MEF2A: variants seen among roughly 807,000 people sequenced by gnomAD.
MEF2A encodes the protein myocyte enhancer factor 2A, also known as myocyte-specific enhancer factor 2A.
Under a neutral mutation model 55.8 loss-of-function variants are expected in MEF2A, and 28 were observed. The ratio of observed to expected loss-of-function variants is 0.50; its 90% confidence interval spans 0.37 to 0.69. MEF2A has a LOEUF of 0.69. Ranked by LOEUF, MEF2A falls within the 30% of genes least tolerant of loss-of-function variation. MEF2A has a pLI of 0.00. For synonymous variants in MEF2A, 239 were observed against 227.1 expected, an observed-to-expected ratio of 1.05 and a Z score of -0.47; for missense variants, 528 against 626.2, an observed-to-expected ratio of 0.84 and a Z score of 1.67.
At chr15:99,616,080 A>T (rs1421347399) in intron 2 of MEF2A, among the ~76,000 whole-genome samples, 2 of 152,208 alleles carry the variant, frequency 1.3e-5, no homozygotes, top group Non-Finnish European at 2.9e-5. Flanking sequence ...ATCAAGCCAC[A>T]GTCAGACTAG....
At chr15:99,698,092 T>C (rs1302010916) in intron 8 of MEF2A, among the ~76,000 whole-genome samples, 1 of 152,030 alleles carries the variant, frequency 6.6e-6, no homozygotes, top group Non-Finnish European at 1.5e-5. Flanking sequence ...TAAAATTGGA[T>C]TATAGACCCA....
At chr15:99,675,828 A>G (rs996186373) in intron 7 of MEF2A, among the ~76,000 whole-genome samples, 2 of 152,148 alleles carry the variant, frequency 1.3e-5, no homozygotes, top group Admixed American at 6.5e-5. Flanking sequence ...GCCTGAGCTG[A>G]AGAGTTTGTG....
intron 7 of MEF2A, among the ~76,000 whole-genome samples, chr15:99,683,475 C>T (rs1036421450): frequency 1.3e-5 from 2 of 152,122 alleles, no homozygotes; most frequent in Non-Finnish European, 2.9e-5. Flanking sequence ...GGCACGATCT[C>T]GGCTCACTGC....
rs376779827 is a variant in MEF2A at position 99,675,427 on chromosome 15, A to G, written c.639A>G (p.Thr213=). 2 of 1,613,890 alleles carry G rather than the reference A, an allele frequency of 1.2e-6. No individual in the cohort carries two copies. The highest frequency in any genetic ancestry group is 1.7e-5 in the Admixed American group (1 of 60,004). Residue 213 remains threonine (T), a synonymous_variant, in exon 7 of 12, where the codon ACA becomes ACG. Transcript: ENST00000557942. The part of the protein sequence containing the change: ...AGGMLSTTDL[T]VPNGAGSSPV... Reference sequence around the variant, plus strand: ...GGATGTTGAGCACTACAGACCTCACAGTGCCAAATGGAGCTGGAAGCAGTC... The same window carrying G: ...GGATGTTGAGCACTACAGACCTCACGGTGCCAAATGGAGCTGGAAGCAGTC...
At chr15:99,663,681 A>G (rs1186872286) in intron 4 of MEF2A, among the ~76,000 whole-genome samples, 2 of 152,164 alleles carry the variant, frequency 1.3e-5, no homozygotes, top group African/African-American at 2.4e-5. Context: ...AAAGAAACGC[A>G]TTTTAAATGA....
intron 8 of MEF2A, among the ~76,000 whole-genome samples, chr15:99,690,837 G>C (rs72760551): frequency 6.6e-6 from 1 of 152,114 alleles, no homozygotes; most frequent in Non-Finnish European, 1.5e-5. Context: ...CGGTTGATTC[G>C]TGGGTAAAAA....
At chr15:99,662,738 A>G (rs1406622065) in intron 4 of MEF2A, among the ~76,000 whole-genome samples, 3 of 152,220 alleles carry the variant, frequency 2.0e-5, no homozygotes, top group Non-Finnish European at 4.4e-5. Flanking sequence ...TCTGCCTCCC[A>G]AAGTGCTAGG....
chr15:99,629,698 T>C (rs1264792961), intron 2 of MEF2A, among the ~76,000 whole-genome samples: 2 of 152,198 alleles, frequency 1.3e-5, no homozygotes, highest in South Asian at 4.2e-4. Context: ...AGTTAAAGAA[T>C]AAAAGATTGA....
intron 1 of MEF2A, among the ~76,000 whole-genome samples, chr15:99,594,459 CTTTTTTTTTT>C (rs67846200): frequency 4.2e-4 from 52 of 124,266 alleles, no homozygotes; most frequent in Non-Finnish European, 4.3e-4. Flanking sequence ...TCCTTTCTTT[CTTTTTTTTTT>C]TTTTTTTTTT....
chr15:99,630,853 G>T (rs1028577694), intron 2 of MEF2A, among the ~76,000 whole-genome samples: 1 of 152,098 alleles, frequency 6.6e-6, no homozygotes, highest in East Asian at 1.9e-4. Context: ...GTTTGCCAGG[G>T]CTGCTCCTCC....
intron 1 of MEF2A, among the ~76,000 whole-genome samples, chr15:99,588,424 C>T (rs779710565): frequency 5.9e-5 from 9 of 152,044 alleles, no homozygotes; most frequent in Non-Finnish European, 1.2e-4. Context: ...TCCTCAGCCT[C>T]CCGAGTAGCT....
intron 4 of MEF2A, among the ~76,000 whole-genome samples, chr15:99,656,094 A>G (rs976780964): frequency 1.3e-5 from 2 of 152,172 alleles, no homozygotes; most frequent in African/African-American, 4.8e-5. Flanking sequence ...TCATAAATTA[A>G]GAGTATTTAT....
rs148436651 is a variant in MEF2A, at chr15:99,664,181, C to G, written c.259-7142C>G. 1.3e-4 allele frequency among the ~76,000 whole-genome samples: 20 copies of G among 152,258 alleles called. 1 individual carries two copies. The East Asian group carries it at 3.9e-3, about 29-fold the overall frequency. On this transcript the variant is annotated intron_variant, in intron 4 of 11. Transcript: ENST00000557942. ...GAAATATGTGACTTGGGTAAAGAGACTAATAATGTGTTACCTAAAGGATCA... is the reference window on the plus strand; with the variant it reads ...GAAATATGTGACTTGGGTAAAGAGAGTAATAATGTGTTACCTAAAGGATCA...
chr15:99,646,640 ATGGAGT>A, intron 4 of MEF2A, among the ~76,000 whole-genome samples: 1 of 152,108 alleles, frequency 6.6e-6, no homozygotes, highest in South Asian at 2.1e-4. Flanking sequence ...AAAAGAACAA[ATGGAGT>A]CCTAATCTAG....
chr15:99,698,996 T>C (rs2056944658), intron 8 of MEF2A, among the ~76,000 whole-genome samples: 1 of 150,572 alleles, frequency 6.6e-6, no homozygotes, highest in Non-Finnish European at 1.5e-5. Flanking sequence ...GCAGGAAGAC[T>C]GCTTGAGCCC....
rs764803587 is a variant in MEF2A, at chr15:99,706,957, A to G, written c.1009+102A>G. ...TTAAGTATATTTATTGAAATAAACTATTTCCAGTTTTTTAGATTTAAATTA... is the reference window on the plus strand; with the variant it reads ...TTAAGTATATTTATTGAAATAAACTGTTTCCAGTTTTTTAGATTTAAATTA... On this transcript the variant is annotated intron_variant, in intron 10 of 11. Coordinates refer to ENST00000557942, the MANE Select transcript of MEF2A (RefSeq NM_001319206.4). 3.1e-5 allele frequency: 42 copies of G among 1,338,490 alleles called. No homozygotes were observed. The Middle Eastern group carries it at 9.4e-4, about 30-fold the overall frequency. The allele number at this position is 1,338,490 out of a possible 1,614,324, so 82.9% of individuals were successfully genotyped here. A position where few individuals can be genotyped will look rare whatever the true frequency, so the allele number is the denominator to read the frequency against.
intron 2 of MEF2A, among the ~76,000 whole-genome samples, chr15:99,601,337 C>G (rs1972877361): frequency 7.2e-6 from 1 of 138,826 alleles, no homozygotes; most frequent in Non-Finnish European, 1.6e-5. Flanking sequence ...TGAATAAAGA[C>G]TATCTTATTT....
intron 1 of MEF2A, among the ~76,000 whole-genome samples, chr15:99,595,801 A>G (rs532726840): frequency 4.9e-4 from 74 of 152,296 alleles, no homozygotes; most frequent in Middle Eastern, 3.4e-3. Context: ...CACAGGGGAA[A>G]GTTATTTCCA....
chr15:99,687,745 G>A (rs1023517650), intron 7 of MEF2A, among the ~76,000 whole-genome samples: 2 of 152,092 alleles, frequency 1.3e-5, no homozygotes, highest in African/African-American at 4.8e-5. Flanking sequence ...TGCCCATATT[G>A]TGAGTATAAT....
Sources: allele counts gnomAD v4.1 joint callset (sites outside exome capture counted in the v4.1 genomes callset), GRCh38; gene constraint gnomAD v4.1.1; transcripts MANE v1.5; gene names NCBI Gene and HGNC (gene_info 2026-07-23, HGNC 2026-07-21).